ROBO2: variants seen among roughly 807,000 people sequenced by gnomAD.
The protein encoded by ROBO2 is roundabout guidance receptor 2.
ROBO2 carries 53 observed loss-of-function variants against 160.8 expected under a neutral mutation model. The ratio of observed to expected loss-of-function variants is 0.33; its 90% confidence interval spans 0.26 to 0.41. ROBO2 has a LOEUF of 0.41. Ranked by LOEUF, ROBO2 falls within the 10% of genes least tolerant of loss-of-function variation. The probability of loss-of-function intolerance (pLI) is 1.00; values close to 1 mark genes in which losing one functional copy is unlikely to be tolerated. For synonymous variants in ROBO2, 664 were observed against 611.7 expected, an observed-to-expected ratio of 1.09 and a Z score of -1.26; for missense variants, 1,577 against 1,722.4, an observed-to-expected ratio of 0.92 and a Z score of 1.49.
chr3:76,544,816 A>C (rs1360389629), intron 2 of ROBO2, among the ~76,000 whole-genome samples: 2 of 152,160 alleles, frequency 1.3e-5, no homozygotes, highest in South Asian at 2.1e-4. Context: ...AAGCTCTTAG[A>C]AAAGTGGCTG....
chr3:77,337,230 T>C (rs2066583364), intron 2 of ROBO2, among the ~76,000 whole-genome samples: 1 of 152,298 alleles, frequency 6.6e-6, no homozygotes, highest in Admixed American at 6.5e-5. Context: ...ATCTTTTTGT[T>C]CTTTTAAAAT....
intron 2 of ROBO2, among the ~76,000 whole-genome samples, chr3:76,836,803 G>A (rs2067734201): frequency 6.6e-6 from 1 of 151,764 alleles, no homozygotes; most frequent in Non-Finnish European, 1.5e-5. Flanking sequence ...TTATAACCCA[G>A]AATATGTTCT....
At chr3:76,345,624 T>G (rs1009492663) in intron 2 of ROBO2, among the ~76,000 whole-genome samples, 8 of 151,896 alleles carry the variant, frequency 5.3e-5, no homozygotes, top group Admixed American at 2.6e-4. Context: ...GTAAAATAAA[T>G]TTGAGCCTTC....
chr3:76,189,059 G>T lies in ROBO2; in HGVS notation c.109+251457G>T, dbSNP rs1701891198. Among the ~76,000 whole-genome samples the T allele has an allele frequency of 1.3e-5, 2 of 152,028 alleles. 1 individual carries two copies. The highest frequency in any genetic ancestry group is 4.1e-4 in the South Asian group (2 of 4,826). On this transcript the variant is annotated intron_variant, in intron 2 of 26. Coordinates refer to the ROBO2 transcript ENST00000487694. ...GGATATGGTAGAAAACACATCATAG[G>T]AATAAACACTGAGTCAGCAGTGAAG... is the stretch of plus-strand genomic sequence containing the variant.
At chr3:76,413,156 C>T (rs767940162) in intron 2 of ROBO2, among the ~76,000 whole-genome samples, 6 of 152,174 alleles carry the variant, frequency 3.9e-5, no homozygotes, top group Non-Finnish European at 4.4e-5. Context: ...GCACTGAGTC[C>T]GTAGGCTGCA....
At chr3:76,947,651 A>G (rs1423961561) in intron 2 of ROBO2, among the ~76,000 whole-genome samples, 4 of 151,456 alleles carry the variant, frequency 2.6e-5, no homozygotes, top group Admixed American at 2.6e-4. Context: ...AATCGATGAC[A>G]TGTGACTGGT....
chr3:76,146,525 C>T (rs551173992), intron 2 of ROBO2, among the ~76,000 whole-genome samples: 55 of 151,886 alleles, frequency 3.6e-4, no homozygotes, highest in Non-Finnish European at 2.9e-4. Context: ...TAGATTAGAT[C>T]GGTCCTTTCA....
intron 2 of ROBO2, among the ~76,000 whole-genome samples, chr3:76,952,021 T>C (rs2078987359): frequency 6.6e-6 from 1 of 152,230 alleles, no homozygotes; most frequent in African/African-American, 2.4e-5. Context: ...ATATCTTTAG[T>C]AAATTGTATC....
intron 6 of ROBO2, among the ~76,000 whole-genome samples, chr3:77,535,184 G>C (rs1384205308): frequency 6.6e-6 from 1 of 151,436 alleles, no homozygotes; most frequent in African/African-American, 2.4e-5. Context: ...TTTGTTCCTT[G>C]GTTTCAAGTT....
chr3:76,607,183 A>T (rs1045914347), intron 2 of ROBO2, among the ~76,000 whole-genome samples: 1 of 152,122 alleles, frequency 6.6e-6, no homozygotes, highest in African/African-American at 2.4e-5. Flanking sequence ...CCTCCTGAGT[A>T]TCTTGGACTT....
intron 2 of ROBO2, among the ~76,000 whole-genome samples, chr3:76,766,617 A>G (rs1038746326): frequency 1.3e-5 from 2 of 151,710 alleles, no homozygotes; most frequent in South Asian, 2.1e-4. Flanking sequence ...ACATTTTCCT[A>G]CTGTGGACAA....
At chr3:76,460,690 C>T (rs544024218) in intron 2 of ROBO2, among the ~76,000 whole-genome samples, 2 of 152,340 alleles carry the variant, frequency 1.3e-5, no homozygotes, top group African/African-American at 4.8e-5. Flanking sequence ...CAGATGACAA[C>T]AGCTCCAGCC....
chr3:77,348,109 C>A (rs548129233), intron 2 of ROBO2, among the ~76,000 whole-genome samples: 3 of 152,034 alleles, frequency 2.0e-5, no homozygotes, highest in Non-Finnish European at 4.4e-5. Flanking sequence ...GGTCCTGATC[C>A]AGATCCCAAG....
intron 1 of ROBO2, among the ~76,000 whole-genome samples, chr3:75,922,187 A>C (rs192543698): frequency 1.8e-4 from 27 of 152,312 alleles, no homozygotes; most frequent in Admixed American, 1.6e-3. Flanking sequence ...GTGTTCAGAT[A>C]ATTGGCTATA....
intron 2 of ROBO2, among the ~76,000 whole-genome samples, chr3:77,440,379 A>T (rs2079787840): frequency 6.6e-6 from 1 of 152,200 alleles, no homozygotes; most frequent in East Asian, 1.9e-4. Flanking sequence ...TTTGATCTAA[A>T]TAAAAGTTAA....
intron 2 of ROBO2, among the ~76,000 whole-genome samples, chr3:76,069,160 C>T (rs1470410087): frequency 6.6e-6 from 1 of 152,126 alleles, no homozygotes; most frequent in Non-Finnish European, 1.5e-5. Context: ...GTACATTGAG[C>T]CACCTAGTTG....
chr3:76,604,512 A>G (rs2087486418), intron 2 of ROBO2, among the ~76,000 whole-genome samples: 1 of 152,166 alleles, frequency 6.6e-6, no homozygotes, highest in African/African-American at 2.4e-5. Flanking sequence ...AAAAAAAGCA[A>G]TACTCAATGA....
chr3:76,168,670 C>G (rs1280662877), intron 2 of ROBO2, among the ~76,000 whole-genome samples: 1 of 151,976 alleles, frequency 6.6e-6, no homozygotes, highest in Non-Finnish European at 1.5e-5. Flanking sequence ...TAAACAACAC[C>G]CTTCAAGATT....
chr3:76,282,779 A>C (rs1708296393), intron 2 of ROBO2, among the ~76,000 whole-genome samples: 2 of 151,914 alleles, frequency 1.3e-5, no homozygotes, highest in South Asian at 4.1e-4. Context: ...CTGAGCAATC[A>C]CACTGCAGAT....
Sources: allele counts gnomAD v4.1 joint callset (sites outside exome capture counted in the v4.1 genomes callset), GRCh38; gene constraint gnomAD v4.1.1; transcripts MANE v1.5; gene names NCBI Gene and HGNC (gene_info 2026-07-23, HGNC 2026-07-21).